FNIP1: variants seen among roughly 807,000 people sequenced by gnomAD.
FNIP1 encodes the protein folliculin-interacting protein 1.
FNIP1 carries 40 observed loss-of-function variants against 124.5 expected under a neutral mutation model. The observed-to-expected ratio is 0.32, with a 90% CI of 0.25 to 0.42. The LOEUF is 0.42. FNIP1 is among the 10% of genes least tolerant of loss of function. The pLI is 1.00. For missense variants in FNIP1, 1,176 were observed against 1,403.7 expected (o/e 0.84, Z 2.59); for synonymous variants, 472 against 470.6 (o/e 1.00, Z -0.04).
rs549440741 is a variant in FNIP1 at position 131,762,120 on chromosome 5, G to A, written c.93-17430C>T. Among the ~76,000 whole-genome samples, 3 of 152,232 alleles carry A rather than the reference G, an allele frequency of 2.0e-5. No individual in the cohort carries two copies. The East Asian group carries it at 5.8e-4, about 29-fold the overall frequency. ...GAAAATTAAATCAAAATGGATTAAAGACTTAAATCTAGGACCTCAAACTAT... is the reference window on the plus strand; with the variant it reads ...GAAAATTAAATCAAAATGGATTAAAAACTTAAATCTAGGACCTCAAACTAT... On this transcript the variant is annotated intron_variant, in intron 1 of 17. Coordinates refer to ENST00000510461, the MANE Select transcript of FNIP1 (RefSeq NM_133372.3).
chr5:131,690,500 T>G (rs1382645914), intron 11 of FNIP1, among the ~76,000 whole-genome samples: 1 of 152,096 alleles, frequency 6.6e-6, no homozygotes, highest in Non-Finnish European at 1.5e-5. Context: ...CTGATGGTTT[T>G]ATAAGGAGCT....
At chr5:131,757,242 T>C (rs1771079414) in intron 1 of FNIP1, among the ~76,000 whole-genome samples, 1 of 152,196 alleles carries the variant, frequency 6.6e-6, no homozygotes, top group South Asian at 2.1e-4. Context: ...GAGAGTCAGT[T>C]AGCTAACAAG....
chr5:131,682,889 A>T (rs1768138644), intron 11 of FNIP1, among the ~76,000 whole-genome samples: 1 of 151,598 alleles, frequency 6.6e-6, no homozygotes, highest in African/African-American at 2.4e-5. Flanking sequence ...ACAATGAAAG[A>T]CTCTTTTGGT....
intron 1 of FNIP1, among the ~76,000 whole-genome samples, chr5:131,773,805 T>A (rs1771718908): frequency 6.6e-6 from 1 of 152,214 alleles, no homozygotes; most frequent in South Asian, 2.1e-4. Flanking sequence ...AACATTTTTA[T>A]AAGAAGAGGT....
intron 1 of FNIP1, among the ~76,000 whole-genome samples, chr5:131,748,479 G>A (rs560845325): frequency 1.3e-5 from 2 of 152,144 alleles, no homozygotes; most frequent in African/African-American, 4.8e-5. Flanking sequence ...AGATCACAAG[G>A]TCAGGAGATT....
intron 1 of FNIP1, among the ~76,000 whole-genome samples, chr5:131,758,159 C>T (rs188699523): frequency 7.4e-4 from 112 of 152,294 alleles, no homozygotes; most frequent in South Asian, 6.0e-3. Flanking sequence ...ACAATCACAA[C>T]AGAGTGGCTC....
chr5:131,764,489 C>A (rs1258055186), intron 1 of FNIP1, among the ~76,000 whole-genome samples: 1 of 151,684 alleles, frequency 6.6e-6, no homozygotes, highest in Non-Finnish European at 1.5e-5. Flanking sequence ...TTCTTTAGTA[C>A]AGATGAGGTT....
At chr5:131,671,475 G>T in intron 14 of FNIP1, 30 bp downstream of exon 14, 1 of 1,513,018 alleles carries the variant, frequency 6.6e-7, no homozygotes. Flanking sequence ...TTTATATAGG[G>T]CCCATTATAG....
At chr5:131,645,227 C>A (rs1766846045) in intron 17 of FNIP1, among the ~76,000 whole-genome samples, 1 of 148,852 alleles carries the variant, frequency 6.7e-6, no homozygotes, top group Admixed American at 6.9e-5. Flanking sequence ...GAAGCTGAGG[C>A]AGAAAGATCT....
At chr5:131,784,620 A>C (rs889708278) in intron 1 of FNIP1, among the ~76,000 whole-genome samples, 1 of 152,042 alleles carries the variant, frequency 6.6e-6, no homozygotes, top group Non-Finnish European at 1.5e-5. Context: ...CAGGAGTTCG[A>C]GACCAGCCTG....
rs147811789 is a variant in FNIP1 at position 131,664,955 on chromosome 5, GAT to G, written c.3108+5506_3108+5507del. On this transcript the variant is annotated intron_variant, in intron 15 of 17. Coordinates refer to ENST00000510461, the MANE Select transcript of FNIP1 (RefSeq NM_133372.3). ...ATATCTGTGTATTTATATATAAAAT[GAT>G]ATGCTTGTGTATTTATCTGTGTAAA... Among the ~76,000 whole-genome samples the G allele has an allele frequency of 4.6e-3, 699 of 150,706 alleles. 8 individuals carry two copies. The highest frequency in any genetic ancestry group is 0.016 in the African/African-American group (664 of 41,156).
intron 15 of FNIP1, among the ~76,000 whole-genome samples, chr5:131,661,626 A>G (rs1330657707): frequency 2.0e-5 from 3 of 152,128 alleles, no homozygotes; most frequent in Non-Finnish European, 4.4e-5. Flanking sequence ...CACACAGCCT[A>G]TTGGGTGACA....
intron 3 of FNIP1, among the ~76,000 whole-genome samples, chr5:131,724,726 T>C (rs1385633204): frequency 1.2e-4 from 19 of 152,252 alleles, no homozygotes; most frequent in Admixed American, 1.2e-3. Flanking sequence ...TTGTCAATTT[T>C]GGCTTTTGTT....
intron 2 of FNIP1, 58 bp downstream of exon 2, chr5:131,744,506 A>G: frequency 6.6e-7 from 1 of 1,517,714 alleles, no homozygotes; most frequent in Admixed American, 1.8e-5. Flanking sequence ...GTTTGATAAT[A>G]CTGGAATTAT....
At chr5:131,709,388 T>A (rs1051524690) in intron 7 of FNIP1, 116 bp from the exon 8 acceptor site, 4 of 823,028 alleles carry the variant, frequency 4.9e-6, no homozygotes, top group Non-Finnish European at 7.9e-6. Flanking sequence ...CCTTATTTTT[T>A]TCAATAGCAT....
chr5:131,738,504 C>A (rs72791146), intron 2 of FNIP1, among the ~76,000 whole-genome samples: 8,132 of 151,570 alleles, frequency 0.054, 300 homozygotes, highest in South Asian at 0.11. Flanking sequence ...CTAGAAATAT[C>A]TTTGCTTGAG....
intron 11 of FNIP1, among the ~76,000 whole-genome samples, chr5:131,689,731 CAT>C (rs2149524301): frequency 6.6e-6 from 1 of 152,108 alleles, no homozygotes; most frequent in East Asian, 1.9e-4. Flanking sequence ...CCAGAGAAGA[CAT>C]AAAAAGAGGA....
intron 7 of FNIP1, among the ~76,000 whole-genome samples, chr5:131,709,628 T>C (rs1388606686): frequency 6.6e-6 from 1 of 152,222 alleles, no homozygotes; most frequent in Non-Finnish European, 1.5e-5. Flanking sequence ...GTGGTGGGTA[T>C]ATCATAGTTC....
chr5:131,767,171 C>T (rs1339791092), intron 1 of FNIP1, among the ~76,000 whole-genome samples: 3 of 151,944 alleles, frequency 2.0e-5, no homozygotes, highest in African/African-American at 4.8e-5. Context: ...TGGTGGCTCA[C>T]GCCTGTAATC....
Sources: allele counts gnomAD v4.1 joint callset (sites outside exome capture counted in the v4.1 genomes callset), GRCh38; gene constraint gnomAD v4.1.1; transcripts MANE v1.5; gene names NCBI Gene and HGNC (gene_info 2026-07-23, HGNC 2026-07-21).